Variants in ITPR3 observed in about 807,000 individuals in gnomAD.
ITPR3 encodes the protein inositol 1,4,5-trisphosphate-gated calcium channel ITPR3.
In ITPR3, 173 loss-of-function variants were observed where a neutral mutation model predicts 293.2. The observed-to-expected ratio is 0.59, with a 90% CI of 0.52 to 0.67. The LOEUF (loss-of-function observed/expected upper bound fraction) is 0.67, where lower values mean the gene tolerates loss of function less well. Among genes scored for constraint, ITPR3 ranks in the 30% least tolerant of loss-of-function variants. The pLI, the probability that ITPR3 is intolerant of heterozygous loss-of-function variation, is 0.00. For synonymous variants in ITPR3, 1,295 were observed against 1,444.4 expected (o/e 0.90, Z 2.35); for missense variants, 2,796 against 3,592.1 (o/e 0.78, Z 5.66).
Position 33,646,426 on chromosome 6 carries a change from T to C in ITPR3, c.160+5872T>C, listed in dbSNP as rs112926377. ...ATCACTGTCTTTAATTGCTTATGTC[T>C]CTTCCAGTGTTCCATTCTGCAAATA... On this transcript the variant is annotated intron_variant, in intron 2 of 57. Transcript: ENST00000605930. Among the ~76,000 whole-genome samples, 314 of 137,034 alleles carry C rather than the reference T, an allele frequency of 2.3e-3. 2 individuals are homozygous for C. Among genetic ancestry groups the C allele is most frequent in the African/African-American group, 8.3e-3 (300 of 36,164 alleles). The allele number at this position is 137,034 out of a possible 152,430, so 89.9% of individuals were successfully genotyped here.
chr6:33,668,928 G>C (rs1420297541), intron 17 of ITPR3, 46 bp from the exon 18 acceptor site: 1 of 1,582,970 alleles, frequency 6.3e-7, no homozygotes, highest in African/African-American at 1.3e-5. Context: ...TCCAGGCGTA[G>C]TGCCCTGGAC....
intron 7 of ITPR3, 142 bp downstream of exon 7, chr6:33,659,691 A>G (rs1168240248): frequency 1.5e-6 from 1 of 665,616 alleles, no homozygotes; most frequent in East Asian, 2.7e-5. Flanking sequence ...CTCCACCTCC[A>G]CAGGGCCCCA....
rs777853141 is a variant in ITPR3 at position 33,667,846 on chromosome 6, C to T, written c.1768C>T (p.Leu590=). The T allele has an allele frequency of 1.9e-6, 3 of 1,614,202 alleles. No homozygotes were observed. Among genetic ancestry groups the T allele is most frequent in the South Asian group, 1.1e-5 (1 of 91,082 alleles). Residue 590 remains leucine (L), a synonymous_variant, in exon 16 of 58, where the codon CTG becomes TTG. Coordinates refer to ENST00000605930, the MANE Select transcript of ITPR3 (RefSeq NM_002224.4). The surrounding 1 kb of genome is among the most constrained non-coding windows in gnomAD (Gnocchi z 4.4). ...MMQSQIGYDI[L]AEDTITALLH... Reference sequence around the variant, plus strand: ...GCAGTCCCAGATTGGCTACGACATCCTGGCCGAGGACACCATCACTGCCCT... The same window carrying T: ...GCAGTCCCAGATTGGCTACGACATCTTGGCCGAGGACACCATCACTGCCCT...
chr6:33,641,523 T>C (rs1763951074), intron 2 of ITPR3, among the ~76,000 whole-genome samples: 1 of 152,152 alleles, frequency 6.6e-6, no homozygotes. Context: ...TGCAATTCTG[T>C]TCCTGCTTCC....
At chr6:33,645,429 T>G (rs1764044636) in intron 2 of ITPR3, among the ~76,000 whole-genome samples, 1 of 152,260 alleles carries the variant, frequency 6.6e-6, no homozygotes, top group South Asian at 2.1e-4. Context: ...TTCATGTGTT[T>G]AATTGCAATG....
intron 55 of ITPR3, 36 bp from the exon 56 acceptor site, chr6:33,693,509 G>T (rs914920377): frequency 1.2e-6 from 2 of 1,608,086 alleles, no homozygotes; most frequent in Admixed American, 1.7e-5. Context: ...GGCTCTTGAA[G>T]GCTGATGGTT....
intron 16 of ITPR3, 43 bp downstream of exon 16, chr6:33,668,007 C>A: frequency 6.2e-7 from 1 of 1,602,488 alleles, no homozygotes; most frequent in Non-Finnish European, 8.5e-7. Flanking sequence ...GCTCCTCCCT[C>A]CTCCCTTGCC....
chr6:33,661,527 C>T (rs777904856), intron 7 of ITPR3, among the ~76,000 whole-genome samples: 7 of 152,188 alleles, frequency 4.6e-5, no homozygotes, highest in Non-Finnish European at 5.9e-5. Context: ...GGTGAGAAAG[C>T]TTTCAAGTGC....
In ITPR3 at chr6:33,688,111, C is replaced by G. The variant is rs1765286018; in HGVS notation, c.6319C>G (p.Gln2107Glu). The change falls in exon 47 of 58, where the codon CAG becomes GAG. Residue 2107 changes from glutamine (Q) to glutamate (E), a missense_variant. Gln to Glu is a conservative substitution (Grantham distance 29). Around this residue, in one of 8 missense-constraint regions of ITPR3, gnomAD observed 568 missense variants for 796.1 expected, o/e 0.71. Transcript: ENST00000605930. ...GATGCTCAAGTCCTCAGCGCCAGCA[C>G]AGGAGGAGGAGGAAGACCCCCTGGC... ...SQMLKSSAPAQEEEEDPLAYY... is the reference protein window; with the variant it reads ...SQMLKSSAPAEEEEEDPLAYY... 6.2e-7 allele frequency: 1 copy of G among 1,614,014 alleles called. No individual in the cohort carries two copies. Among genetic ancestry groups the G allele is most frequent in the Non-Finnish European group, 8.5e-7 (1 of 1,180,006 alleles).
At chr6:33,646,672 G>C (rs1296204323) in intron 2 of ITPR3, among the ~76,000 whole-genome samples, 2 of 151,906 alleles carry the variant, frequency 1.3e-5, no homozygotes, top group Non-Finnish European at 2.9e-5. Flanking sequence ...AATCCCAGCA[G>C]TTTGGGACAC....
At position 33,663,003 on chromosome 6, in the gene ITPR3, T is replaced by C; in HGVS notation, c.951T>C (p.Ala317=). The change falls in exon 9 of 58, where the codon GCT becomes GCC. Residue 317 remains alanine (A), a synonymous_variant. Transcript: ENST00000605930. Reference sequence around the variant, plus strand: ...TGGCTACAGGCAACTACCTGGCTGCTGAGGTGAGCGGGAGGTAGAGGGCAT... The same window carrying C: ...TGGCTACAGGCAACTACCTGGCTGCCGAGGTGAGCGGGAGGTAGAGGGCAT... The part of the protein sequence containing the change: ...KHLATGNYLA[A]EENPSYKGDA... 1 of 1,595,324 alleles carries C rather than the reference T, an allele frequency of 6.3e-7. No homozygotes were observed. Among genetic ancestry groups the C allele is most frequent in the Non-Finnish European group, 8.5e-7 (1 of 1,169,964 alleles).
At chr6:33,626,967 G>A (rs539061464) in intron 1 of ITPR3, among the ~76,000 whole-genome samples, 12 of 152,234 alleles carry the variant, frequency 7.9e-5, no homozygotes, top group South Asian at 4.1e-4. Context: ...CACCACGCCC[G>A]GCTAATTTTT....
rs1397772866 is a variant in ITPR3, at chr6:33,671,187, T to G, written c.2609T>G (p.Leu870Arg). ...TFEVVSLAHN[L>R]IYFGFYSFSE... ...CAGGTGGTCAGCCTGGCGCACAATC[T>G]CATCTACTTCGGCTTCTACAGCTTC... is the stretch of plus-strand genomic sequence containing the variant. The change falls in exon 21 of 58, where the codon CTC becomes CGC. Residue 870 changes from leucine (L) to arginine (R), a missense_variant. Coordinates refer to ENST00000605930, the MANE Select transcript of ITPR3 (RefSeq NM_002224.4). The G allele has an allele frequency of 1.2e-6, 2 of 1,613,490 alleles. No homozygotes were observed. Among genetic ancestry groups the G allele is most frequent in the Non-Finnish European group, 1.7e-6 (2 of 1,179,918 alleles).
In ITPR3 at chr6:33,633,983, G is replaced by A. The variant is rs1172414225; in HGVS notation, c.90-6501G>A. Among the ~76,000 whole-genome samples the A allele has an allele frequency of 1.3e-5, 2 of 152,102 alleles. No individual in the cohort carries two copies. The highest frequency in any genetic ancestry group is 2.9e-5 in the Non-Finnish European group (2 of 67,966). On this transcript the variant is annotated intron_variant, in intron 1 of 57. Coordinates refer to ENST00000605930, the MANE Select transcript of ITPR3 (RefSeq NM_002224.4). The surrounding 1 kb of genome is among the most constrained non-coding windows in gnomAD (Gnocchi z 5.2). ...TGAGGCTCCCTCTCCATGCAAACTT[G>A]CCTAACTTGTGTCCCGGCCCTCGGC... is the stretch of plus-strand genomic sequence containing the variant.
chr6:33,665,807 C>A, intron 13 of ITPR3, 28 bp from the exon 14 acceptor site: 2 of 1,611,638 alleles, frequency 1.2e-6, no homozygotes, highest in Non-Finnish European at 1.7e-6. Context: ...GTATCTCACA[C>A]TCGTCATCCC....
In ITPR3 at chr6:33,667,259, G is replaced by C; in HGVS notation, c.1682G>C (p.Arg561Pro). ...HMFRLCYRVL[R>P]HSQEDYRKNQ... ...TTCCGCCTGTGCTACCGCGTGTTGC[G>C]GCATTCCCAGGAGGACTACCGCAAG... Residue 561 changes from arginine (R) to proline (P), a missense_variant, in exon 15 of 58, where the codon CGG becomes CCG. By Grantham distance (103) the Arg-to-Pro change is moderately radical (BLOSUM62 -2). Transcript: ENST00000605930. This position sits in a 1 kb window ranked among gnomAD's most constrained non-coding sequence, Gnocchi z 4.4. 1 of 1,613,068 alleles carries C rather than the reference G, an allele frequency of 6.2e-7. No homozygotes were observed. The highest frequency in any genetic ancestry group is 8.5e-7 in the Non-Finnish European group (1 of 1,179,916).
Position 33,680,113 on chromosome 6 carries a change from C to T in ITPR3, c.4204C>T (p.His1402Tyr), listed in dbSNP as rs149624360. 92 of 1,613,350 alleles carry T rather than the reference C, an allele frequency of 5.7e-5. No individual in the cohort carries two copies. The highest frequency in any genetic ancestry group is 6.9e-5 in the Non-Finnish European group (81 of 1,179,934). The part of the protein sequence containing the change: ...PLEDVVSVVT[H>Y]EDCITEVKMA... ...GGAGGACGTGGTGTCTGTGGTGACG[C>T]ATGAGGACTGCATCACTGAGGTGGG... is the stretch of plus-strand genomic sequence containing the variant. The change falls in exon 31 of 58, where the codon CAT (histidine) becomes TAT (tyrosine). Residue 1402 changes from histidine (H) to tyrosine (Y), a missense_variant. Coordinates refer to ENST00000605930, the MANE Select transcript of ITPR3 (RefSeq NM_002224.4).
Position 33,621,697 on chromosome 6 carries a change from T to G in ITPR3, c.89+6T>G. 2 of 1,598,452 alleles carry G rather than the reference T, an allele frequency of 1.3e-6. No individual in the cohort carries two copies. The highest frequency in any genetic ancestry group is 1.7e-6 in the Non-Finnish European group (2 of 1,172,004). ...GGCTTCATCAGCACTTTGGGGTGAG[T>G]GAGCCGAGCTCGAGAGGGGCGCGGG... On this transcript the variant is annotated splice_donor_region_variant and intron_variant, in intron 1 of 57. Coordinates refer to ENST00000605930, the MANE Select transcript of ITPR3 (RefSeq NM_002224.4). The surrounding 1 kb of genome is among the most constrained non-coding windows in gnomAD (Gnocchi z 7.7).
In ITPR3 at chr6:33,689,379, G is replaced by A. The variant is rs765662139; in HGVS notation, c.6836G>A (p.Gly2279Glu). Residue 2279 changes from glycine to glutamate, a missense_variant, in exon 50 of 58, where the codon GGG becomes GAG. Gly to Glu is a moderately conservative substitution (Grantham distance 98). Around this residue, in one of 8 missense-constraint regions of ITPR3, gnomAD observed 568 missense variants for 796.1 expected, o/e 0.71. Coordinates refer to ENST00000605930, the MANE Select transcript of ITPR3 (RefSeq NM_002224.4). ...ILRSIYYLGIGPTLNILGALN... is the reference protein window; with the variant it reads ...ILRSIYYLGIEPTLNILGALN... ...CGCTCCATCTACTATCTGGGCATCGGGCCCACACTCAACATCCTGGGTGCC... is the reference window on the plus strand; with the variant it reads ...CGCTCCATCTACTATCTGGGCATCGAGCCCACACTCAACATCCTGGGTGCC... 1.4e-5 allele frequency: 22 copies of A among 1,611,040 alleles called. No homozygotes were observed. Among genetic ancestry groups the A allele is most frequent in the Non-Finnish European group, 1.9e-5 (22 of 1,180,016 alleles).
Sources: allele counts gnomAD v4.1 joint callset (sites outside exome capture counted in the v4.1 genomes callset), GRCh38; gene constraint gnomAD v4.1.1; regional missense constraint gnomAD v4.1.1; non-coding constraint Gnocchi (gnomAD v3.1); transcripts MANE v1.5; gene names NCBI Gene and HGNC (gene_info 2026-07-23, HGNC 2026-07-21).